NRXN1: variants seen among roughly 807,000 people sequenced by gnomAD.
The protein encoded by NRXN1 is neurexin 1, also known as neurexin-1.
NRXN1 carries 39 observed loss-of-function variants against 150.9 expected under a neutral mutation model. That is an observed-to-expected ratio of 0.26 (90% CI 0.20 to 0.34). The LOEUF is 0.34. Ranked by LOEUF, NRXN1 falls within the 10% of genes least tolerant of loss-of-function variation. The pLI is 1.00. For missense variants in NRXN1, 1,815 were observed against 1,949.9 expected, an observed-to-expected ratio of 0.93 and a Z score of 1.30; for synonymous variants, 924 against 757.0, an observed-to-expected ratio of 1.22 and a Z score of -3.62.
At chr2:50,467,094 C>T (rs1372289874) in intron 16 of NRXN1, among the ~76,000 whole-genome samples, 3 of 151,356 alleles carry the variant, frequency 2.0e-5, no homozygotes, top group South Asian at 2.1e-4. Context: ...CAATATAATC[C>T]ATCATAAAGG....
intron 18 of NRXN1, among the ~76,000 whole-genome samples, chr2:50,134,352 C>A (rs1706051591): frequency 6.6e-6 from 1 of 150,640 alleles, no homozygotes; most frequent in South Asian, 2.1e-4. Flanking sequence ...GCATGGCCAT[C>A]ATTAAGGATA....
intron 8 of NRXN1, among the ~76,000 whole-genome samples, chr2:50,577,329 A>G (rs1671587480): frequency 6.6e-6 from 1 of 152,090 alleles, no homozygotes; most frequent in South Asian, 2.1e-4. Context: ...CATCAACTGT[A>G]ATAGATAAAT....
At chr2:50,552,452 T>C (rs1667671443) in intron 9 of NRXN1, 135 bp downstream of exon 9, 3 of 669,488 alleles carry the variant, frequency 4.5e-6, no homozygotes, top group South Asian at 3.9e-5. Flanking sequence ...ACAGAAGCAA[T>C]ATCAGGCAAT....
At chr2:50,508,684 C>T (rs2092338487) in intron 12 of NRXN1, among the ~76,000 whole-genome samples, 1 of 151,812 alleles carries the variant, frequency 6.6e-6, no homozygotes, top group African/African-American at 2.4e-5. Context: ...ATCGTTATAC[C>T]CCATCCTTGG....
intron 17 of NRXN1, among the ~76,000 whole-genome samples, chr2:50,430,533 C>T (rs989140484): frequency 1.3e-5 from 2 of 152,126 alleles, no homozygotes; most frequent in Non-Finnish European, 2.9e-5. Flanking sequence ...TCACATGAAG[C>T]CACAGTGATG....
intron 5 of NRXN1, among the ~76,000 whole-genome samples, chr2:50,886,021 G>C (rs1023204479): frequency 6.6e-6 from 1 of 151,350 alleles, no homozygotes; most frequent in African/African-American, 2.4e-5. Flanking sequence ...TGGTTTGAAT[G>C]AGCTTTTGGT....
chr2:49,959,089 A>C (rs539269285), intron 21 of NRXN1, among the ~76,000 whole-genome samples: 1 of 152,248 alleles, frequency 6.6e-6, no homozygotes, highest in African/African-American at 2.4e-5. Flanking sequence ...TCTCAGTAAT[A>C]TTTTCACTAT....
intron 5 of NRXN1, among the ~76,000 whole-genome samples, chr2:50,843,360 T>C (rs1673152212): frequency 6.6e-6 from 1 of 152,226 alleles, no homozygotes; most frequent in African/African-American, 2.4e-5. Flanking sequence ...AAATTCTTGC[T>C]CCTGTTGTTT....
At chr2:50,296,217 A>C (rs1292563375) in intron 17 of NRXN1, among the ~76,000 whole-genome samples, 1 of 152,226 alleles carries the variant, frequency 6.6e-6, no homozygotes, top group East Asian at 1.9e-4. Flanking sequence ...CAATGCTCAT[A>C]CAGTATTCTA....
intron 5 of NRXN1, among the ~76,000 whole-genome samples, chr2:50,720,057 A>G (rs2105112606): frequency 6.6e-6 from 1 of 152,314 alleles, no homozygotes; most frequent in East Asian, 1.9e-4. Flanking sequence ...TCAGGGTAAC[A>G]CATTTTCAGC....
At chr2:50,463,703 A>T (rs2088499397) in intron 17 of NRXN1, among the ~76,000 whole-genome samples, 1 of 151,784 alleles carries the variant, frequency 6.6e-6, no homozygotes, top group Admixed American at 6.6e-5. Context: ...CATACACAAA[A>T]TTATATTCTT....
chr2:50,227,421 G>C (rs1404568521), intron 18 of NRXN1, among the ~76,000 whole-genome samples: 1 of 151,994 alleles, frequency 6.6e-6, no homozygotes, highest in African/African-American at 2.4e-5. Context: ...GTGAGAGGTG[G>C]AAACACACCC....
intron 5 of NRXN1, among the ~76,000 whole-genome samples, chr2:50,908,383 A>ACACACACACACACG (rs1684041092): frequency 6.6e-6 from 1 of 151,058 alleles, no homozygotes; most frequent in Non-Finnish European, 1.5e-5. Context: ...ACACACACAC[A>ACACACACACACACG]CAACCACACC....
At chr2:50,116,501 T>C (rs1277011389) in intron 18 of NRXN1, among the ~76,000 whole-genome samples, 3 of 152,036 alleles carry the variant, frequency 2.0e-5, no homozygotes, top group African/African-American at 4.8e-5. Flanking sequence ...CTGAACTCTC[T>C]GGAAATGTCG....
intron 17 of NRXN1, among the ~76,000 whole-genome samples, chr2:50,320,899 C>G (rs1308005231): frequency 6.6e-6 from 1 of 152,162 alleles, no homozygotes; most frequent in Non-Finnish European, 1.5e-5. Flanking sequence ...CTTCTATCCT[C>G]TGATAATTTG....
intron 18 of NRXN1, among the ~76,000 whole-genome samples, chr2:50,126,606 C>T (rs1390386365): frequency 2.0e-5 from 3 of 152,038 alleles, no homozygotes; most frequent in Non-Finnish European, 4.4e-5. Flanking sequence ...TCATTCTAAG[C>T]CTACGTCAGA....
chr2:50,847,147 T>C (rs1673777366), intron 5 of NRXN1, among the ~76,000 whole-genome samples: 1 of 152,140 alleles, frequency 6.6e-6, no homozygotes, highest in Admixed American at 6.5e-5. Flanking sequence ...GAGAAAATCC[T>C]TCCTAGGTTT....
intron 17 of NRXN1, among the ~76,000 whole-genome samples, chr2:50,378,482 T>C (rs543283824): frequency 6.6e-6 from 1 of 152,242 alleles, no homozygotes; most frequent in East Asian, 1.9e-4. Context: ...CTGTAGAATT[T>C]CGGTTGCTTA....
chr2:50,103,484 G>A (rs1273124205), intron 18 of NRXN1, among the ~76,000 whole-genome samples: 5 of 151,978 alleles, frequency 3.3e-5, no homozygotes, highest in African/African-American at 1.2e-4. Context: ...TAATGCCTGT[G>A]TCCCAAAATG....
Sources: gnomAD v4.1 joint callset for allele counts (sites outside exome capture counted in the v4.1 genomes callset) on GRCh38, gnomAD v4.1.1 for gene constraint, MANE v1.5 for transcripts, NCBI Gene and HGNC (gene_info 2026-07-23, HGNC 2026-07-21) for gene names.